ABCB1: variants seen among roughly 807,000 people sequenced by gnomAD.
ABCB1 encodes ATP binding cassette subfamily B member 1.
A neutral mutation model predicts 142.0 loss-of-function variants in ABCB1; 69 were observed. That is an observed-to-expected ratio of 0.49 (90% confidence interval 0.40 to 0.59). ABCB1 has a LOEUF of 0.59. Among genes scored for constraint, ABCB1 ranks in the 20% least tolerant of loss-of-function variants. The pLI is 0.00. For missense variants in ABCB1, 1,326 were observed against 1,554.7 expected (o/e 0.85, Z 2.47); for synonymous variants, 532 against 539.2 (o/e 0.99, Z 0.18).
At chr7:87,704,006 C>T (rs28535535) in intron 1 of ABCB1, among the ~76,000 whole-genome samples, 1 of 140,082 alleles carries the variant, frequency 7.1e-6, no homozygotes, top group Non-Finnish European at 1.5e-5. Context: ...CTGCAACCTC[C>T]ACCTCCCAGG....
At chr7:87,644,166 T>G (rs1306437222) in intron 1 of ABCB1, among the ~76,000 whole-genome samples, 1 of 152,210 alleles carries the variant, frequency 6.6e-6, no homozygotes, top group African/African-American at 2.4e-5. Context: ...GACCTGCAAA[T>G]TGTTGATTCT....
chr7:87,678,637 A>T (rs1017227498), intron 1 of ABCB1, among the ~76,000 whole-genome samples: 1 of 152,238 alleles, frequency 6.6e-6, no homozygotes, highest in Non-Finnish European at 1.5e-5. Context: ...TAAGCACTCC[A>T]ATTAAAAGAG....
chr7:87,646,326 G>C (rs1822999785), intron 1 of ABCB1, among the ~76,000 whole-genome samples: 1 of 152,082 alleles, frequency 6.6e-6, no homozygotes, highest in Non-Finnish European at 1.5e-5. Flanking sequence ...AGTTTGTTAA[G>C]TAATCTAGTG....
intron 8 of ABCB1, among the ~76,000 whole-genome samples, chr7:87,559,679 T>C (rs1362675158): frequency 6.6e-6 from 1 of 152,198 alleles, no homozygotes; most frequent in Non-Finnish European, 1.5e-5. Flanking sequence ...TATCACTGGA[T>C]TAGGACTCAT....
intron 26 of ABCB1, among the ~76,000 whole-genome samples, chr7:87,507,573 G>A (rs1814803473): frequency 6.6e-6 from 1 of 152,090 alleles, no homozygotes; most frequent in African/African-American, 2.4e-5. Context: ...GGGAGACAAG[G>A]CCACCTCCCT....
At chr7:87,614,793 G>A (rs993980429) in intron 1 of ABCB1, among the ~76,000 whole-genome samples, 28 of 151,814 alleles carry the variant, frequency 1.8e-4, no homozygotes, top group African/African-American at 5.8e-4. Flanking sequence ...TAATGGTTTT[G>A]CCTTTTATTC....
At chr7:87,573,645 G>A (rs1472387622) in intron 4 of ABCB1, among the ~76,000 whole-genome samples, 1 of 152,102 alleles carries the variant, frequency 6.6e-6, no homozygotes, top group African/African-American at 2.4e-5. Flanking sequence ...ACAGTCCACT[G>A]CATAAAGGAT....
intron 4 of ABCB1, among the ~76,000 whole-genome samples, chr7:87,581,937 G>A (rs985164444): frequency 3.3e-5 from 5 of 152,134 alleles, no homozygotes; most frequent in African/African-American, 1.2e-4. Context: ...TTAGTAGGCT[G>A]GTTCTCCCTC....
At chr7:87,705,642 T>C (rs144183266) in intron 1 of ABCB1, among the ~76,000 whole-genome samples, 2 of 152,332 alleles carry the variant, frequency 1.3e-5, no homozygotes, top group East Asian at 3.9e-4. Flanking sequence ...CATGAGACTT[T>C]TATTACATAA....
At chr7:87,592,487 T>C (rs1819036629) in intron 3 of ABCB1, among the ~76,000 whole-genome samples, 1 of 152,168 alleles carries the variant, frequency 6.6e-6, no homozygotes, top group South Asian at 2.1e-4. Context: ...CTGAGCCAGG[T>C]GGCGTAGTCT....
At position 87,548,900 on chromosome 7, in the gene ABCB1, G is replaced by A. The variant is rs188905359; in HGVS notation, c.1725+448C>T. On this transcript the variant is annotated intron_variant, in intron 14 of 27. Transcript: ENST00000622132. ...CTGGAAATAAGAGGTTTCTTATTTC[G>A]CATAGAGTCTTCAAGTGGCATTCAA... Among the ~76,000 whole-genome samples the A allele has an allele frequency of 2.8e-3, 430 of 152,138 alleles. 1 individual carries two copies. The highest frequency in any genetic ancestry group is 9.3e-3 in the African/African-American group (384 of 41,510).
chr7:87,601,853 T>C (rs1819468427), upstream of ABCB1, among the ~76,000 whole-genome samples: 1 of 152,272 alleles, frequency 6.6e-6, no homozygotes, highest in Non-Finnish European at 1.5e-5. Flanking sequence ...TTTTACTGCA[T>C]AGTCTGAGGA....
intron 1 of ABCB1, among the ~76,000 whole-genome samples, chr7:87,644,913 TG>T (rs1822829031): frequency 6.6e-6 from 1 of 152,018 alleles, no homozygotes; most frequent in African/African-American, 2.4e-5. Flanking sequence ...ATTATAATTA[TG>T]TTACAAATCT....
At chr7:87,590,493 T>A (rs1002599017) in intron 3 of ABCB1, among the ~76,000 whole-genome samples, 1 of 152,170 alleles carries the variant, frequency 6.6e-6, no homozygotes, top group Non-Finnish European at 1.5e-5. Context: ...GATTGGCTGG[T>A]CAGAGAATGT....
At chr7:87,537,239 TAGG>T (rs939911489) in intron 19 of ABCB1, among the ~76,000 whole-genome samples, 4 of 152,234 alleles carry the variant, frequency 2.6e-5, no homozygotes, top group African/African-American at 7.2e-5. Context: ...AAGGCGGTTA[TAGG>T]AGATGAGATT....
rs745954213 is a variant in ABCB1 at position 87,505,887 on chromosome 7, A to C, written c.3636+10T>G. The stretch of plus-strand genomic sequence containing the variant: ...ATTCAAGTATGGATGAACCCAATTT[A>C]AATTCTTACCTTTTCACTTTCTGTA... On this transcript the variant is annotated intron_variant, in intron 27 of 27. Coordinates refer to ENST00000622132, the MANE Select transcript of ABCB1 (RefSeq NM_001348946.2). 9 of 1,614,122 alleles carry C rather than the reference A, an allele frequency of 5.6e-6. No individual in the cohort carries two copies. The South Asian group carries it at 8.8e-5, about 16-fold the overall frequency.
At chr7:87,610,169 G>T (rs543395476) in intron 1 of ABCB1, among the ~76,000 whole-genome samples, 1 of 147,850 alleles carries the variant, frequency 6.8e-6, no homozygotes, top group Non-Finnish European at 1.5e-5. Context: ...TTGTAGTTGT[G>T]TTTCTTCTAA....
rs761114696 is a variant in ABCB1 at position 87,550,804 on chromosome 7, A to G, written c.1034T>C (p.Val345Ala). The G allele has an allele frequency of 1.2e-6, 2 of 1,613,556 alleles. No homozygotes were observed. Among genetic ancestry groups the G allele is most frequent in the Non-Finnish European group, 1.7e-6 (2 of 1,179,488 alleles). The change falls in exon 10 of 28, where the codon GTT (valine) becomes GCT (alanine). Residue 345 changes from valine to alanine, a missense_variant. By Grantham distance (64) the Val-to-Ala change is moderately conservative. Coordinates refer to ENST00000622132, the MANE Select transcript of ABCB1 (RefSeq NM_001348946.2). ...TTCAATGCTTGGAGATGCCTGTCCA[A>G]CACTAAAAGCCCCAATTAATACAGA... is the stretch of plus-strand genomic sequence containing the variant. ...FFSVLIGAFS[V>A]GQASPSIEAF...
Position 87,509,362 on chromosome 7 carries a change from T to C in ABCB1, c.3402A>G (p.Gly1134=), listed in dbSNP as rs759801677. 6.2e-7 allele frequency: 1 copy of C among 1,614,128 alleles called. No homozygotes were observed. Among genetic ancestry groups the C allele is most frequent in the Non-Finnish European group, 8.5e-7 (1 of 1,179,986 alleles). ...DCSIAENIAY[G]DNSRVVSQEE... Reference sequence around the variant, plus strand: ...CCTGTGACACCACCCGGCTGTTGTCTCCATAGGCAATGTTCTCAGCAATGC... The same window carrying C: ...CCTGTGACACCACCCGGCTGTTGTCCCCATAGGCAATGTTCTCAGCAATGC... Residue 1134 remains glycine (G), a synonymous_variant, in exon 26 of 28, where the codon GGA becomes GGG. Coordinates refer to ENST00000622132, the MANE Select transcript of ABCB1 (RefSeq NM_001348946.2).
Sources: allele counts gnomAD v4.1 joint callset (sites outside exome capture counted in the v4.1 genomes callset), GRCh38; gene constraint gnomAD v4.1.1; transcripts MANE v1.5; gene names NCBI Gene and HGNC (gene_info 2026-07-23, HGNC 2026-07-21).